The following AIDA variants were observed in gnomAD, a reference collection of about 807,000 sequenced individuals.
AIDA encodes axin interactor, dorsalization associated.
Under a neutral mutation model 42.7 loss-of-function variants are expected in AIDA, and 18 were observed. The ratio of observed to expected loss-of-function variants is 0.42; its 90% confidence interval spans 0.29 to 0.63. The LOEUF (loss-of-function observed/expected upper bound fraction) is 0.63. AIDA is among the 20% of genes least tolerant of loss of function. AIDA has a pLI of 0.19. For missense variants in AIDA, 250 were observed against 354.1 expected, an observed-to-expected ratio of 0.71 and a Z score of 2.36; for synonymous variants, 104 against 122.9, an observed-to-expected ratio of 0.85 and a Z score of 1.02.
intron 4 of AIDA, among the ~76,000 whole-genome samples, chr1:222,690,556 G>A (rs753716786): frequency 1.3e-5 from 2 of 152,168 alleles, no homozygotes; most frequent in African/African-American, 4.8e-5. Flanking sequence ...GCAGTTTAGA[G>A]CTAAAATGGG....
chr1:222,706,356 C>G (rs567787776), intron 1 of AIDA, among the ~76,000 whole-genome samples: 1 of 152,086 alleles, frequency 6.6e-6, no homozygotes, highest in Non-Finnish European at 1.5e-5. Flanking sequence ...TATGTCCATG[C>G]AAAGACTTGC....
chr1:222,676,311 A>C lies in AIDA; in HGVS notation c.461-93T>G, dbSNP rs368436965. ...GAAGATACAGCCTTGCTTGTAACTG[A>C]CTTAGTAACTAGCCAGGCATTATTT... is the stretch of plus-strand genomic sequence containing the variant. On this transcript the variant is annotated intron_variant, in intron 6 of 9. Coordinates refer to ENST00000340020, the MANE Select transcript of AIDA (RefSeq NM_022831.4). The C allele has an allele frequency of 3.9e-5, 53 of 1,360,364 alleles. 1 individual carries two copies. In the African/African-American group the frequency reaches 6.9e-4, roughly 18 times the overall value. The allele number at this position is 1,360,364 out of a possible 1,614,324, so 84.3% of individuals were successfully genotyped here. A position where few individuals can be genotyped will look rare whatever the true frequency, so the allele number is the denominator to read the frequency against.
In AIDA at chr1:222,668,745, C is replaced by A. The variant is rs1376253141; in HGVS notation, c.*1148G>T. 1 of 136,076 alleles carries A rather than the reference C, an allele frequency of 7.3e-6. No individual in the cohort carries two copies. Among genetic ancestry groups the A allele is most frequent in the East Asian group, 2.1e-4 (1 of 4,744 alleles). 8.4% of individuals were successfully genotyped at this position (136,076 alleles called of 1,614,324 possible). A position where few individuals can be genotyped will look rare whatever the true frequency, so the allele number is the denominator to read the frequency against. On this transcript the variant is annotated 3_prime_UTR_variant, in exon 10 of 10. Transcript: ENST00000340020. ...ATATTAAAATATGTGGGCTTTACATCTAACCCACAGAAAGCCCACCGCAAA... is the reference window on the plus strand; with the variant it reads ...ATATTAAAATATGTGGGCTTTACATATAACCCACAGAAAGCCCACCGCAAA...
chr1:222,694,343 T>G, intron 2 of AIDA, 80 bp from the exon 3 acceptor site: 2 of 1,180,516 alleles, frequency 1.7e-6, no homozygotes, highest in Non-Finnish European at 2.5e-6. Context: ...TTTTTATTAA[T>G]AAAAGATCCA....
intron 4 of AIDA, among the ~76,000 whole-genome samples, chr1:222,690,653 CTTATA>C (rs1558212177): frequency 1.3e-5 from 2 of 150,410 alleles, no homozygotes; most frequent in East Asian, 1.9e-4. Context: ...TCATCTTATT[CTTATA>C]TTATAATCTA....
In AIDA at chr1:222,694,196, G is replaced by A. The variant is rs1655452485; in HGVS notation, c.234+14C>T. 1 of 1,601,834 alleles carries A rather than the reference G, an allele frequency of 6.2e-7. No individual in the cohort carries two copies. Among genetic ancestry groups the A allele is most frequent in the Non-Finnish European group, 8.5e-7 (1 of 1,175,922 alleles). On this transcript the variant is annotated intron_variant, in intron 3 of 9. Transcript: ENST00000340020. ...TTTATTTTCCTTGTATTACAGAAGA[G>A]AAAAACTCCTTACCTGTAAAGCTGC...
At chr1:222,710,556 T>C (rs961570702) in intron 1 of AIDA, among the ~76,000 whole-genome samples, 3 of 152,220 alleles carry the variant, frequency 2.0e-5, no homozygotes, top group African/African-American at 4.8e-5. Context: ...TATGCAATAT[T>C]AGTTAATATA....
At chr1:222,677,926 T>G (rs1664582226) in intron 6 of AIDA, among the ~76,000 whole-genome samples, 1 of 152,118 alleles carries the variant, frequency 6.6e-6, no homozygotes, top group Non-Finnish European at 1.5e-5. Context: ...AAAAAAAATT[T>G]TTTACACATT....
chr1:222,698,693 C>T (rs1333271395), intron 2 of AIDA, among the ~76,000 whole-genome samples: 2 of 152,016 alleles, frequency 1.3e-5, no homozygotes, highest in African/African-American at 2.4e-5. Context: ...TCAGGTGATC[C>T]GCCCGCCTCA....
chr1:222,671,158 A>G (rs1021827741), intron 8 of AIDA, among the ~76,000 whole-genome samples: 1 of 152,018 alleles, frequency 6.6e-6, no homozygotes, highest in Non-Finnish European at 1.5e-5. Flanking sequence ...GCCCAGGGAG[A>G]TTGAGGCTGC....
At position 222,669,678 on chromosome 1, in the gene AIDA, C is replaced by G. The variant is rs968105861; in HGVS notation, c.*215G>C. Reference sequence around the variant, plus strand: ...GAAAAGTAAAAACATGTTTCAAAATCTACAATAAACCTGTATCCCAAGGAG... The same window carrying G: ...GAAAAGTAAAAACATGTTTCAAAATGTACAATAAACCTGTATCCCAAGGAG... On this transcript the variant is annotated 3_prime_UTR_variant, in exon 10 of 10. Transcript: ENST00000340020. 4.0e-6 allele frequency: 2 copies of G among 502,424 alleles called. No individual in the cohort carries two copies. The highest frequency in any genetic ancestry group is 7.2e-6 in the Non-Finnish European group (2 of 279,256). The allele number at this position is 502,424 out of a possible 1,614,324, so 31.1% of individuals were successfully genotyped here.
chr1:222,685,072 T>C (rs1345167410), intron 6 of AIDA, among the ~76,000 whole-genome samples: 3 of 152,124 alleles, frequency 2.0e-5, no homozygotes, highest in Non-Finnish European at 4.4e-5. Context: ...TAAAGCAAAG[T>C]AAATTGGAAA....
intron 2 of AIDA, among the ~76,000 whole-genome samples, chr1:222,695,498 AAAG>A (rs1425385460): frequency 1.3e-5 from 2 of 152,206 alleles, no homozygotes; most frequent in African/African-American, 2.4e-5. Context: ...TCTCAAAAAA[AAAG>A]AAGACTATTG....
chr1:222,689,520 TACACAC>T (rs1553294405), intron 4 of AIDA, among the ~76,000 whole-genome samples: 34 of 58,048 alleles, frequency 5.9e-4, no homozygotes, highest in East Asian at 1.3e-3. Context: ...TATATATATA[TACACAC>T]ATACACACAC....
At chr1:222,688,381 AATT>A (rs1346449795) in intron 4 of AIDA, among the ~76,000 whole-genome samples, 1 of 152,106 alleles carries the variant, frequency 6.6e-6, no homozygotes, top group Non-Finnish European at 1.5e-5. Flanking sequence ...AGTCTTAAAA[AATT>A]ATTATAATCA....
At chr1:222,683,676 T>G (rs1664692388) in intron 6 of AIDA, among the ~76,000 whole-genome samples, 2 of 152,152 alleles carry the variant, frequency 1.3e-5, no homozygotes, top group African/African-American at 4.8e-5. Flanking sequence ...TTATATTGCT[T>G]TGGTTTATCA....
chr1:222,689,475 G>GTGTGTGTA (rs1553294337), intron 4 of AIDA, among the ~76,000 whole-genome samples: 4 of 32,782 alleles, frequency 1.2e-4, no homozygotes, highest in African/African-American at 7.5e-4. Flanking sequence ...ATGTATGTGT[G>GTGTGTGTA]TGTGTGTATA....
intron 6 of AIDA, among the ~76,000 whole-genome samples, chr1:222,678,461 C>T (rs2124951186): frequency 6.6e-6 from 1 of 152,184 alleles, no homozygotes; most frequent in Non-Finnish European, 1.5e-5. Context: ...AGTTTCATAA[C>T]CTGTAATTGT....
chr1:222,709,358 G>T (rs1655929453), intron 1 of AIDA, among the ~76,000 whole-genome samples: 1 of 152,104 alleles, frequency 6.6e-6, no homozygotes, highest in Non-Finnish European at 1.5e-5. Flanking sequence ...TTGAACCCGG[G>T]AGGCACAGGT....
Sources: allele counts gnomAD v4.1 joint callset (sites outside exome capture counted in the v4.1 genomes callset), GRCh38; gene constraint gnomAD v4.1.1; transcripts MANE v1.5; gene names NCBI Gene and HGNC (gene_info 2026-07-23, HGNC 2026-07-21).